Variants in CEP83 observed in about 807,000 individuals in gnomAD.
CEP83 encodes centrosomal protein of 83 kDa.
Under a neutral mutation model 101.9 loss-of-function variants are expected in CEP83, and 70 were observed. That is an observed-to-expected ratio of 0.69 (90% CI 0.57 to 0.84). CEP83 has a LOEUF of 0.84. Among genes scored for constraint, CEP83 ranks in the 40% least tolerant of loss-of-function variants. The probability of loss-of-function intolerance (pLI) is 0.00; values close to 1 mark genes in which losing one functional copy is unlikely to be tolerated. For synonymous variants in CEP83, 264 were observed against 267.9 expected, an observed-to-expected ratio of 0.99 and a Z score of 0.14; for missense variants, 715 against 787.2, an observed-to-expected ratio of 0.91 and a Z score of 1.10.
At chr12:94,311,353 C>G (rs1277207838) in intron 15 of CEP83, among the ~76,000 whole-genome samples, 6 of 152,164 alleles carry the variant, frequency 3.9e-5, no homozygotes, top group Admixed American at 3.9e-4. Context: ...GTTCTGTAAG[C>G]TGCTCTAGCA....
At chr12:94,352,754 A>T (rs2060261638) in intron 11 of CEP83, among the ~76,000 whole-genome samples, 1 of 152,170 alleles carries the variant, frequency 6.6e-6, no homozygotes, top group Non-Finnish European at 1.5e-5. Context: ...AGGAAAAAGA[A>T]TTTTTGAACA....
intron 6 of CEP83, among the ~76,000 whole-genome samples, chr12:94,394,999 T>C (rs548533700): frequency 4.6e-5 from 7 of 152,234 alleles, no homozygotes; most frequent in Non-Finnish European, 1.0e-4. Flanking sequence ...TGTAGAGAAA[T>C]AGGAATGCTT....
chr12:94,354,807 C>T (rs925307972), intron 11 of CEP83, among the ~76,000 whole-genome samples: 5 of 151,980 alleles, frequency 3.3e-5, no homozygotes, highest in South Asian at 4.1e-4. Context: ...GTCAAGAGAT[C>T]GAAACCATCC....
intron 14 of CEP83, among the ~76,000 whole-genome samples, chr12:94,330,498 C>T (rs1026939990): frequency 2.0e-5 from 3 of 152,068 alleles, no homozygotes; most frequent in Admixed American, 2.0e-4. Flanking sequence ...GGATTGTTTC[C>T]AAGAAAACAA....
intron 8 of CEP83, among the ~76,000 whole-genome samples, chr12:94,374,406 C>T (rs924119911): frequency 6.6e-6 from 1 of 152,056 alleles, no homozygotes; most frequent in Admixed American, 6.5e-5. Flanking sequence ...ACTACGTACT[C>T]AATATTATTT....
At chr12:94,349,138 T>C (rs1434401608) in intron 11 of CEP83, among the ~76,000 whole-genome samples, 1 of 151,558 alleles carries the variant, frequency 6.6e-6, no homozygotes, top group Non-Finnish European at 1.5e-5. Flanking sequence ...ATACAAAAAT[T>C]AGCTAGGTGT....
intron 11 of CEP83, among the ~76,000 whole-genome samples, chr12:94,343,127 A>G (rs111705524): frequency 2.0e-5 from 3 of 151,660 alleles, no homozygotes; most frequent in Non-Finnish European, 4.4e-5. Context: ...CTTCATATAT[A>G]TATATATATA....
At chr12:94,278,453 G>C in the CEP83 span, among the ~76,000 whole-genome samples, 1 of 152,332 alleles carries the variant, frequency 6.6e-6, no homozygotes, top group East Asian at 1.9e-4. Context: ...CCCTAGTTCT[G>C]TGTTTTCACA....
intron 1 of CEP83, among the ~76,000 whole-genome samples, chr12:94,440,235 G>T (rs1486593063): frequency 6.6e-6 from 1 of 152,156 alleles, no homozygotes; most frequent in Non-Finnish European, 1.5e-5. Flanking sequence ...TGGTAAAGAT[G>T]AAGTCAAAGT....
At chr12:94,300,977 C>G in the CEP83 span, 3 of 1,613,674 alleles carry the variant, frequency 1.9e-6, no homozygotes, top group Non-Finnish European at 2.5e-6. Context: ...TAAGAAGACA[C>G]CACATATAGA....
At chr12:94,380,093 A>C (rs1039797344) in intron 6 of CEP83, among the ~76,000 whole-genome samples, 1 of 150,368 alleles carries the variant, frequency 6.7e-6, no homozygotes, top group East Asian at 1.9e-4. Flanking sequence ...AAAAAAAACA[A>C]AAAACAAAAA....
At chr12:94,277,989 G>A in the CEP83 span, 2 of 455,896 alleles carry the variant, frequency 4.4e-6, no homozygotes, top group Non-Finnish European at 8.8e-6. Context: ...ATTGCCTCCT[G>A]CAGCCTCTGC....
At chr12:94,276,704 C>T in the CEP83 span, among the ~76,000 whole-genome samples, 1 of 152,152 alleles carries the variant, frequency 6.6e-6, no homozygotes, top group African/African-American at 2.4e-5. Context: ...GGAGAGGGCT[C>T]GGGTGTGAGG....
chr12:94,453,897 G>T (rs1353593545), intron 1 of CEP83, among the ~76,000 whole-genome samples: 2 of 152,102 alleles, frequency 1.3e-5, no homozygotes, highest in Non-Finnish European at 2.9e-5. Flanking sequence ...AGGAGATCAA[G>T]ACCATCCTGG....
At chr12:94,335,502 G>T in intron 12 of CEP83, 87 bp downstream of exon 12, 1 of 796,928 alleles carries the variant, frequency 1.3e-6, no homozygotes, top group South Asian at 1.6e-5. Context: ...TAAAAATACT[G>T]ATGGCAAAAT....
intron 8 of CEP83, among the ~76,000 whole-genome samples, chr12:94,370,699 T>C (rs1426513171): frequency 6.6e-6 from 1 of 152,168 alleles, no homozygotes; most frequent in African/African-American, 2.4e-5. Context: ...TTTTAAAAAG[T>C]GTCCACAGCT....
chr12:94,301,310 G>A, the CEP83 span, among the ~76,000 whole-genome samples: 1 of 152,184 alleles, frequency 6.6e-6, no homozygotes, highest in Non-Finnish European at 1.5e-5. Context: ...TTATCACAAA[G>A]TATGCGTTTT....
At chr12:94,451,486 A>C (rs565616870) in intron 1 of CEP83, among the ~76,000 whole-genome samples, 1,808 of 140,496 alleles carry the variant, frequency 0.013, 30 homozygotes, top group African/African-American at 0.044. Flanking sequence ...AAAAAAAAAA[A>C]CCCAGCTAAA....
chr12:94,328,491 A>T (rs902120819), intron 14 of CEP83, among the ~76,000 whole-genome samples: 1 of 152,214 alleles, frequency 6.6e-6, no homozygotes, highest in Admixed American at 6.5e-5. Context: ...CCAAAGGATT[A>T]TTTCTGCACT....
Sources: allele counts gnomAD v4.1 joint callset (sites outside exome capture counted in the v4.1 genomes callset), GRCh38; gene constraint gnomAD v4.1.1; transcripts MANE v1.5; gene names NCBI Gene and HGNC (gene_info 2026-07-23, HGNC 2026-07-21).